AVEN: variants seen among roughly 807,000 people sequenced by gnomAD.
AVEN encodes the protein apoptosis and caspase activation inhibitor, also known as cell death regulator Aven.
AVEN carries 41 observed loss-of-function variants against 38.1 expected under a neutral mutation model. The observed-to-expected ratio is 1.08, with a 90% CI of 0.84 to 1.40. The LOEUF (loss-of-function observed/expected upper bound fraction) is 1.40. AVEN is among the 40% of genes most tolerant of loss of function. The pLI is 0.00. For missense variants in AVEN, 605 were observed against 438.8 expected (o/e 1.38, Z -3.38); for synonymous variants, 206 against 171.8 (o/e 1.20, Z -1.56).
At chr15:34,016,236 A>G (rs1400061878) in intron 1 of AVEN, among the ~76,000 whole-genome samples, 1 of 152,220 alleles carries the variant, frequency 6.6e-6, no homozygotes, top group Non-Finnish European at 1.5e-5. Flanking sequence ...CTCCATCTCA[A>G]AAAACAAAAA....
chr15:33,960,964 T>C (rs1895138909), intron 2 of AVEN, among the ~76,000 whole-genome samples: 1 of 152,196 alleles, frequency 6.6e-6, no homozygotes, highest in Non-Finnish European at 1.5e-5. Flanking sequence ...ATGTAACTAT[T>C]TTTACCTTAT....
intron 4 of AVEN, among the ~76,000 whole-genome samples, chr15:33,868,544 C>CAAAAAAA (rs35851228): frequency 1.5e-5 from 1 of 66,246 alleles, no homozygotes; most frequent in African/African-American, 4.5e-5. Context: ...GACTCCGTCT[C>CAAAAAAA]AAAAAAAAAA....
intron 5 of AVEN, among the ~76,000 whole-genome samples, chr15:34,060,972 C>G (rs1028408719): frequency 6.6e-6 from 1 of 150,748 alleles, no homozygotes; most frequent in Non-Finnish European, 1.5e-5. Flanking sequence ...GCCGAGATAG[C>G]GCCACTGTAC....
chr15:33,857,932 GCGGGGC>G (rs769330693), downstream of AVEN: 1 of 1,379,706 alleles, frequency 7.2e-7, no homozygotes, highest in Non-Finnish European at 9.6e-7. Context: ...CCCACCCACT[GCGGGGC>G]CAGCCCACCC....
At chr15:33,851,909 GAGATAAAATATT>G in the AVEN span, 1 of 151,834 alleles carries the variant, frequency 6.6e-6, no homozygotes, top group African/African-American at 2.4e-5. Context: ...TCATCCCCCA[GAGATAAAATATT>G]AGCAGTTTAC....
chr15:34,008,246 C>A (rs1897451341), intron 1 of AVEN, among the ~76,000 whole-genome samples: 2 of 151,772 alleles, frequency 1.3e-5, no homozygotes, highest in South Asian at 4.2e-4. Context: ...CATAGCAAGA[C>A]CCTATCTCCA....
At chr15:33,969,708 T>A (rs1311782582) in intron 2 of AVEN, among the ~76,000 whole-genome samples, 1 of 152,012 alleles carries the variant, frequency 6.6e-6, no homozygotes, top group Non-Finnish European at 1.5e-5. Context: ...GGCTAATTTA[T>A]CCTAAAGATA....
chr15:33,921,794 A>C (rs964388942), intron 2 of AVEN, among the ~76,000 whole-genome samples: 3 of 152,240 alleles, frequency 2.0e-5, no homozygotes, highest in African/African-American at 7.2e-5. Flanking sequence ...ACAAAAGAGA[A>C]CAGAAGAAAA....
rs560918628 is a variant in AVEN at position 33,988,103 on chromosome 15, C to T, written c.445+14929G>A. Among the ~76,000 whole-genome samples the T allele has an allele frequency of 3.9e-5, 6 of 152,350 alleles. 1 individual carries two copies. In the South Asian group the frequency reaches 1.2e-3, roughly 32 times the overall value. Reference sequence around the variant, plus strand: ...AAGCCTTGGGGCTTCTGTCCAGGTGCCTGCCTCCAGCCCAAAGGCAGCTTC... The same window carrying T: ...AAGCCTTGGGGCTTCTGTCCAGGTGTCTGCCTCCAGCCCAAAGGCAGCTTC... On this transcript the variant is annotated intron_variant, in intron 2 of 5. Coordinates refer to ENST00000306730, the MANE Select transcript of AVEN (RefSeq NM_020371.3).
chr15:33,863,145 C>T (rs546610532), downstream of AVEN, among the ~76,000 whole-genome samples: 16 of 152,218 alleles, frequency 1.1e-4, no homozygotes, highest in Admixed American at 7.2e-4. Context: ...ATCTCTATCC[C>T]CTCTAGGAGC....
Position 34,063,677 on chromosome 15 carries a change from C to T in AVEN, n.1127-245G>A, listed in dbSNP as rs1392120862. Reference sequence around the variant, plus strand: ...AGGACAAGCCCGCCACTGACCCTGTCCTCCAAGTGGTCTACAAGAGTCAGG... The same window carrying T: ...AGGACAAGCCCGCCACTGACCCTGTTCTCCAAGTGGTCTACAAGAGTCAGG... On this transcript the variant is annotated intron_variant and non_coding_transcript_variant, in intron 4 of 11. Coordinates refer to the AVEN transcript ENST00000675287. The surrounding 1 kb of genome is among the most constrained non-coding windows in gnomAD (Gnocchi z 4.1). 1.9e-6 allele frequency: 3 copies of T among 1,614,166 alleles called. 1 individual carries two copies. Among genetic ancestry groups the T allele is most frequent in the South Asian group, 2.2e-5 (2 of 91,074 alleles).
chr15:33,896,463 T>C (rs1892236675), intron 2 of AVEN, among the ~76,000 whole-genome samples: 1 of 152,208 alleles, frequency 6.6e-6, no homozygotes, highest in African/African-American at 2.4e-5. Flanking sequence ...CTTTCTTGCA[T>C]TCATGTTAAT....
intron 4 of AVEN, chr15:34,064,156 G>T (rs764442245): frequency 6.2e-7 from 1 of 1,614,156 alleles, no homozygotes; most frequent in Middle Eastern, 1.6e-4. Flanking sequence ...TGGCACTTGG[G>T]CTATTGGTTG....
chr15:33,911,536 C>G (rs1368333663), intron 2 of AVEN, among the ~76,000 whole-genome samples: 1 of 152,090 alleles, frequency 6.6e-6, no homozygotes, highest in Non-Finnish European at 1.5e-5. Flanking sequence ...TTTAATACAG[C>G]AAATTGGGAA....
chr15:33,961,781 C>T (rs1404283999), intron 2 of AVEN, among the ~76,000 whole-genome samples: 2 of 126,208 alleles, frequency 1.6e-5, no homozygotes. Flanking sequence ...CCACTGCACT[C>T]CAGCCTGGGC....
intron 2 of AVEN, among the ~76,000 whole-genome samples, chr15:33,920,186 T>C (rs1243250087): frequency 6.6e-6 from 1 of 152,186 alleles, no homozygotes; most frequent in Non-Finnish European, 1.5e-5. Flanking sequence ...ATCTTAATTG[T>C]GGTAAAAATA....
At chr15:33,982,673 A>G (rs1896206387) in intron 2 of AVEN, among the ~76,000 whole-genome samples, 1 of 152,200 alleles carries the variant, frequency 6.6e-6, no homozygotes, top group Non-Finnish European at 1.5e-5. Context: ...GGAAACAAGA[A>G]TTTGTTTAGG....
chr15:33,936,609 G>A lies in AVEN; in HGVS notation c.446-60614C>T, dbSNP rs566080063. ...AAATACAAACAAAATCTATACATTT[G>A]GGGACTTTTGTCTTGTTTTGTGTGT... On this transcript the variant is annotated intron_variant, in intron 2 of 5. Transcript: ENST00000306730. 2.4e-4 allele frequency among the ~76,000 whole-genome samples: 37 copies of A among 152,174 alleles called. No homozygotes were observed. In the South Asian group the frequency reaches 6.6e-3, roughly 27 times the overall value.
intron 2 of AVEN, among the ~76,000 whole-genome samples, chr15:33,877,338 A>T (rs1469780373): frequency 6.6e-6 from 1 of 152,260 alleles, no homozygotes; most frequent in Non-Finnish European, 1.5e-5. Flanking sequence ...ATTAGAAAAG[A>T]GGATGAATTA....
Sources: allele counts gnomAD v4.1 joint callset (sites outside exome capture counted in the v4.1 genomes callset), GRCh38; gene constraint gnomAD v4.1.1; non-coding constraint Gnocchi (gnomAD v3.1); transcripts MANE v1.5; gene names NCBI Gene and HGNC (gene_info 2026-07-23, HGNC 2026-07-21).